The following XPC variants were observed in gnomAD, a reference collection of about 807,000 sequenced individuals.
XPC encodes DNA repair protein complementing XP-C cells.
In XPC, 76 loss-of-function variants were observed where a neutral mutation model predicts 95.8. That is an observed-to-expected ratio of 0.79 (90% CI 0.66 to 0.96). XPC has a LOEUF of 0.96. Among genes scored for constraint, XPC ranks in the 40% least tolerant of loss-of-function variants. The pLI, the probability that XPC is intolerant of heterozygous loss-of-function variation, is 0.00. For missense variants in XPC, 1,146 were observed against 1,179.8 expected, an observed-to-expected ratio of 0.97 and a Z score of 0.42; for synonymous variants, 442 against 442.1, an observed-to-expected ratio of 1.00 and a Z score of 0.00.
At chr3:14,164,754 TG>T in intron 7 of XPC, 58 bp downstream of exon 7, 2 of 1,563,910 alleles carry the variant, frequency 1.3e-6, no homozygotes, top group Non-Finnish European at 1.7e-6. Context: ...GGCACATGGC[TG>T]CCATTATCAT....
intron 15 of XPC, 136 bp from the exon 16 acceptor site, chr3:14,146,295 C>T: frequency 1.2e-6 from 1 of 810,932 alleles, no homozygotes; most frequent in Non-Finnish European, 2.0e-6. Context: ...TGGGACAGGG[C>T]AGGGAGAGAG....
At position 14,158,633 on chromosome 3, in the gene XPC, G is replaced by T; in HGVS notation, c.1250C>A (p.Pro417Gln). The T allele has an allele frequency of 6.2e-7, 1 of 1,613,848 alleles. No individual in the cohort carries two copies. The highest frequency in any genetic ancestry group is 8.5e-7 in the Non-Finnish European group (1 of 1,179,872). The change falls in exon 9 of 16, where the codon CCG becomes CAG. Residue 417 changes from proline (P) to glutamine (Q), a missense_variant. By Grantham distance (76) the Pro-to-Gln change is moderately conservative (BLOSUM62 -1). Transcript: ENST00000285021. The surrounding 1 kb of genome is among the most constrained non-coding windows in gnomAD (Gnocchi z 5.2). Reference sequence around the variant, plus strand: ...GGCCACCCGCCGCTCCCGGCCATGCGGACGTCGCTGGGTTGCCTTCTCCTG... The same window carrying T: ...GGCCACCCGCCGCTCCCGGCCATGCTGACGTCGCTGGGTTGCCTTCTCCTG... ...DKQEKATQRRPHGRERRVASR... is the reference protein window; with the variant it reads ...DKQEKATQRRQHGRERRVASR...
At chr3:14,171,598 A>G (rs1013035065) in intron 2 of XPC, among the ~76,000 whole-genome samples, 45 of 152,242 alleles carry the variant, frequency 3.0e-4, no homozygotes, top group African/African-American at 1.1e-3. Context: ...TAAGCCCAGC[A>G]CTTTGGGAGG....
rs757163508 is a variant in XPC, at chr3:14,170,565, CAGGA to C, written c.300-19_300-16del. The C allele has an allele frequency of 6.3e-7, 1 of 1,575,378 alleles. No individual in the cohort carries two copies. Among genetic ancestry groups the C allele is most frequent in the Admixed American group, 1.8e-5 (1 of 54,800 alleles). On this transcript the variant is annotated splice_polypyrimidine_tract_variant and intron_variant, in intron 2 of 15. Transcript: ENST00000285021. The stretch of plus-strand genomic sequence containing the variant: ...TTGGAAAGTCCCTGTGTAAAGACCA[CAGGA>C]AGGAAGATGAAGAAGACTCAGACAT...
intron 2 of XPC, among the ~76,000 whole-genome samples, chr3:14,171,837 T>C (rs1282788327): frequency 2.0e-5 from 3 of 150,840 alleles, no homozygotes; most frequent in African/African-American, 7.3e-5. Flanking sequence ...GGGACCGGGA[T>C]GGGGACGGGA....
Position 14,146,140 on chromosome 3 carries a change from T to G in XPC, c.2624A>C (p.His875Pro). ...AGAGAGTCCACCTCCTGCATCTGTG[T>G]GGGGAGCTGCTGCCTCACTCTGGAC... Reference protein sequence around the residue: ...YGPKSEAAAPHTDAGGGLSSD... With the variant: ...YGPKSEAAAPPTDAGGGLSSD... The change falls in exon 16 of 16, where the codon CAC becomes CCC. Residue 875 changes from histidine (H) to proline (P), a missense_variant. By Grantham distance (77) the His-to-Pro change is moderately conservative. Coordinates refer to ENST00000285021, the MANE Select transcript of XPC (RefSeq NM_004628.5). 1 of 1,609,628 alleles carries G rather than the reference T, an allele frequency of 6.2e-7. No homozygotes were observed. The highest frequency in any genetic ancestry group is 8.5e-7 in the Non-Finnish European group (1 of 1,178,708).
At chr3:14,163,449 A>G (rs1696242947) in intron 7 of XPC, among the ~76,000 whole-genome samples, 1 of 152,240 alleles carries the variant, frequency 6.6e-6, no homozygotes, top group Non-Finnish European at 1.5e-5. Flanking sequence ...ATACATGCTA[A>G]AATGCAGATG....
intron 4 of XPC, 121 bp downstream of exon 4, chr3:14,168,136 A>C (rs938479452): frequency 7.4e-6 from 10 of 1,355,420 alleles, no homozygotes; most frequent in Non-Finnish European, 9.7e-6. Flanking sequence ...TCCTGACCCA[A>C]GGTTCTCGAC....
At position 14,165,082 on chromosome 3, in the gene XPC, T is replaced by C. The variant is rs1343173153; in HGVS notation, c.780-149A>G. 4 of 1,261,060 alleles carry C rather than the reference T, an allele frequency of 3.2e-6. No homozygotes were observed. In the Admixed American group the frequency reaches 8.7e-5, roughly 28 times the overall value. The allele number at this position is 1,261,060 out of a possible 1,614,324, so 78.1% of individuals were successfully genotyped here. The stretch of plus-strand genomic sequence containing the variant: ...CAGCCCGTCTAGCTAACTCCTATCA[T>C]CACTGCAGACCCAGCTCAGACTTTA... On this transcript the variant is annotated intron_variant, in intron 6 of 15. Transcript: ENST00000285021.
Position 14,148,644 on chromosome 3 carries a change from G to A in XPC, c.2338C>T (p.His780Tyr), listed in dbSNP as rs781326758. The change falls in exon 13 of 16, where the codon CAC becomes TAC. Residue 780 changes from histidine (H) to tyrosine (Y), a missense_variant. Physicochemically the swap from His to Tyr is moderately conservative, Grantham distance 83. Transcript: ENST00000285021. ...ATGTCCAGCTTGCGGGCCACGCGGTGTAGATTGGGCAGGTTCAGCTGGACA... is the reference window on the plus strand; with the variant it reads ...ATGTCCAGCTTGCGGGCCACGCGGTATAGATTGGGCAGGTTCAGCTGGACA... ...GCVQLNLPNL[H>Y]RVARKLDIDC... The A allele has an allele frequency of 5.0e-6, 8 of 1,614,062 alleles. No individual in the cohort carries two copies. Among genetic ancestry groups the A allele is most frequent in the Admixed American group, 1.7e-5 (1 of 60,032 alleles).
chr3:14,167,370 C>G, intron 4 of XPC, 117 bp from the exon 5 acceptor site: 1 of 903,166 alleles, frequency 1.1e-6, no homozygotes, highest in Non-Finnish European at 1.6e-6. Flanking sequence ...TTTCCCTACA[C>G]AAGGCTGTGC....
chr3:14,149,331 C>T (rs987122930), intron 11 of XPC, among the ~76,000 whole-genome samples: 3 of 151,920 alleles, frequency 2.0e-5, no homozygotes, highest in Non-Finnish European at 2.9e-5. Context: ...GTGATGCACT[C>T]GCCTCAACCT....
intron 1 of XPC, among the ~76,000 whole-genome samples, chr3:14,177,046 T>C (rs1393670597): frequency 6.6e-6 from 1 of 152,114 alleles, no homozygotes; most frequent in East Asian, 1.9e-4. Context: ...GTCACGCCAC[T>C]GCACTCCAGC....
chr3:14,162,990 T>C (rs890133579), intron 7 of XPC, among the ~76,000 whole-genome samples: 3 of 152,082 alleles, frequency 2.0e-5, no homozygotes, highest in African/African-American at 7.2e-5. Flanking sequence ...GATACACAAA[T>C]GACCAAGAAG....
At chr3:14,172,109 A>C (rs551776359) in intron 2 of XPC, among the ~76,000 whole-genome samples, 2 of 152,266 alleles carry the variant, frequency 1.3e-5, no homozygotes, top group South Asian at 4.1e-4. Context: ...CTGGGCTCAT[A>C]ATCACTGTTC....
intron 2 of XPC, among the ~76,000 whole-genome samples, chr3:14,172,529 G>A (rs998318112): frequency 2.0e-5 from 3 of 152,188 alleles, no homozygotes; most frequent in African/African-American, 7.2e-5. Flanking sequence ...CTTGAGGACA[G>A]TAGTATGAGA....
intron 3 of XPC, among the ~76,000 whole-genome samples, chr3:14,168,604 G>A (rs1696487395): frequency 6.6e-6 from 1 of 151,624 alleles, no homozygotes; most frequent in Non-Finnish European, 1.5e-5. Flanking sequence ...ACACAACCCA[G>A]ACAGTCTTTA....
intron 3 of XPC, 27 bp from the exon 4 acceptor site, chr3:14,168,407 G>A (rs1696476173): frequency 6.2e-7 from 1 of 1,612,476 alleles, no homozygotes; most frequent in Admixed American, 1.7e-5. Flanking sequence ...TTAAAAATCA[G>A]TAATAGTAAT....
rs761506596 is a variant in XPC, at chr3:14,178,600, G to C, written c.-32C>G. On this transcript the variant is annotated 5_prime_UTR_variant, in exon 1 of 16. Coordinates refer to ENST00000285021, the MANE Select transcript of XPC (RefSeq NM_004628.5). ...TGTCTGGGCAAATTCCACTTCGCGA[G>C]TGACGCACCCGGCCGCGATGCGCTA... is the stretch of plus-strand genomic sequence containing the variant. 6.2e-7 allele frequency: 1 copy of C among 1,611,622 alleles called. No homozygotes were observed. The highest frequency in any genetic ancestry group is 1.1e-5 in the South Asian group (1 of 91,052).
Sources: gnomAD v4.1 joint callset for allele counts (sites outside exome capture counted in the v4.1 genomes callset) on GRCh38, gnomAD v4.1.1 for gene constraint, Gnocchi (gnomAD v3.1) non-coding constraint, MANE v1.5 for transcripts, NCBI Gene and HGNC (gene_info 2026-07-23, HGNC 2026-07-21) for gene names.